The following SHLD1 variants were observed in gnomAD, a reference collection of about 807,000 sequenced individuals.
SHLD1 encodes RINN1-REV7-interacting novel NHEJ regulator 3.
In SHLD1, 3 loss-of-function variants were observed where a neutral mutation model predicts 5.5. The ratio of observed to expected loss-of-function variants is 0.54; its 90% confidence interval spans 0.25 to 1.40. The LOEUF (loss-of-function observed/expected upper bound fraction) is 1.40. SHLD1 is among the 40% of genes most tolerant of loss of function. The pLI is 0.15. For synonymous variants in SHLD1, 92 were observed against 94.3 expected, an observed-to-expected ratio of 0.98 and a Z score of 0.14; for missense variants, 210 against 244.4, an observed-to-expected ratio of 0.86 and a Z score of 0.94.
At position 5,784,672 on chromosome 20, in the gene SHLD1, G is replaced by C. The variant is rs1263734381; in HGVS notation, c.178+11629G>C. Among the ~76,000 whole-genome samples, 4 of 151,858 alleles carry C rather than the reference G, an allele frequency of 2.6e-5. No individual in the cohort carries two copies. The East Asian group carries it at 5.8e-4, about 22-fold the overall frequency. ...TCACCGTGTTAGCCAGGTTGGTCTC[G>C]ATCGCCTGACCTTGTGATCCGCCCG... On this transcript the variant is annotated intron_variant, in intron 2 of 2. Coordinates refer to ENST00000303142, the MANE Select transcript of SHLD1 (RefSeq NM_152504.4).
chr20:5,828,218 A>C (rs1464205932), intron 2 of SHLD1, among the ~76,000 whole-genome samples: 3 of 152,090 alleles, frequency 2.0e-5, no homozygotes, highest in Non-Finnish European at 2.9e-5. Context: ...TATCTGTATA[A>C]TTATTTATCC....
intron 2 of SHLD1, among the ~76,000 whole-genome samples, chr20:5,801,581 A>G (rs574113211): frequency 6.6e-6 from 1 of 152,266 alleles, no homozygotes; most frequent in Admixed American, 6.5e-5. Context: ...AAAATGTTTG[A>G]CATATGGCTT....
chr20:5,768,937 TCA>T (rs1358691644), intron 1 of SHLD1, among the ~76,000 whole-genome samples: 1 of 147,334 alleles, frequency 6.8e-6, no homozygotes, highest in African/African-American at 2.5e-5. Flanking sequence ...GACACAGGTC[TCA>T]CTCTCGTTTG....
At chr20:5,762,957 G>C (rs1481413409) in intron 1 of SHLD1, among the ~76,000 whole-genome samples, 4 of 124,600 alleles carry the variant, frequency 3.2e-5, no homozygotes, top group Non-Finnish European at 6.5e-5. Context: ...TGGTGACAGA[G>C]TGAGACTCCG....
rs904045617 is a variant in SHLD1, at chr20:5,773,172, A to T, written c.178+129A>T. 9.3e-5 allele frequency: 99 copies of T among 1,067,642 alleles called. 1 individual carries two copies. The East Asian group carries it at 2.4e-3, about 26-fold the overall frequency. 66.1% of individuals were successfully genotyped at this position (1,067,642 alleles called of 1,614,324 possible). On this transcript the variant is annotated intron_variant, in intron 2 of 2. Coordinates refer to ENST00000303142, the MANE Select transcript of SHLD1 (RefSeq NM_152504.4). ...GCTTCATTGTCTTAGGCAGAAAAAC[A>T]TCTTACCTAAGCAAAGCTTTCAGGA...
chr20:5,841,523 A>G (rs1429607771), intron 2 of SHLD1, among the ~76,000 whole-genome samples: 1 of 152,188 alleles, frequency 6.6e-6, no homozygotes, highest in Non-Finnish European at 1.5e-5. Flanking sequence ...TCTTCTTCAT[A>G]GCATCCTTCA....
chr20:5,780,247 G>A (rs1410111286), intron 2 of SHLD1, among the ~76,000 whole-genome samples: 2 of 152,116 alleles, frequency 1.3e-5, no homozygotes, highest in African/African-American at 2.4e-5. Flanking sequence ...CCAAAGTGCT[G>A]AATTACAGGT....
chr20:5,771,236 G>A (rs144014572), intron 1 of SHLD1, among the ~76,000 whole-genome samples: 2 of 152,094 alleles, frequency 1.3e-5, no homozygotes, highest in African/African-American at 4.8e-5. Context: ...AGGTTCTATT[G>A]GTCATCTTCT....
intron 2 of SHLD1, among the ~76,000 whole-genome samples, chr20:5,778,154 T>C (rs533070047): frequency 3.6e-4 from 54 of 148,192 alleles, no homozygotes; most frequent in African/African-American, 1.2e-3. Context: ...TCTCGTTCTG[T>C]CGCCCAGGCT....
chr20:5,835,702 A>G (rs773579211), intron 2 of SHLD1, among the ~76,000 whole-genome samples: 2 of 152,238 alleles, frequency 1.3e-5, no homozygotes, highest in Non-Finnish European at 2.9e-5. Flanking sequence ...CTCTGAAATT[A>G]CAGAAATTCA....
intron 1 of SHLD1, among the ~76,000 whole-genome samples, chr20:5,767,670 C>T (rs1022219952): frequency 3.9e-5 from 6 of 152,224 alleles, no homozygotes; most frequent in African/African-American, 1.2e-4. Flanking sequence ...GACCTGATAA[C>T]TGCTCTGCAT....
At chr20:5,805,227 G>A (rs999700036) in intron 2 of SHLD1, among the ~76,000 whole-genome samples, 27 of 152,058 alleles carry the variant, frequency 1.8e-4, no homozygotes, top group Non-Finnish European at 2.9e-5. Context: ...GCGCGATCTC[G>A]GCTTGCCACG....
At chr20:5,857,176 A>T (rs1256608299) in intron 2 of SHLD1, among the ~76,000 whole-genome samples, 2 of 152,142 alleles carry the variant, frequency 1.3e-5, no homozygotes, top group South Asian at 2.1e-4. Flanking sequence ...GGGTTTCGCC[A>T]TGTTGGCCAG....
rs1983672627 is a variant in SHLD1, at chr20:5,750,501, G to GGGGGT, written c.-5+26_-5+27insTGGGG. On this transcript the variant is annotated intron_variant, in intron 1 of 2. Transcript: ENST00000303142. ...AGAGGTAAGCGCGGGATGGGATGGGGGGGGGTTGGAGTGGTGGGGGCGGGG... is the reference window on the plus strand; with the variant it reads ...AGAGGTAAGCGCGGGATGGGATGGGGGGGGTGGGGGTTGGAGTGGTGGGGGCGGGG... 3.4e-5 allele frequency: 5 copies of GGGGGT among 145,238 alleles called. No individual in the cohort carries two copies. The South Asian group carries it at 1.1e-3, about 33-fold the overall frequency. 9.0% of individuals were successfully genotyped at this position (145,238 alleles called of 1,614,324 possible). A position where few individuals can be genotyped will look rare whatever the true frequency, so the allele number is the denominator to read the frequency against.
At chr20:5,807,758 T>C (rs567422865) in intron 2 of SHLD1, among the ~76,000 whole-genome samples, 1 of 152,186 alleles carries the variant, frequency 6.6e-6, no homozygotes, top group Non-Finnish European at 1.5e-5. Context: ...CCTCAGAATT[T>C]ATGCTCCCTA....
intron 1 of SHLD1, among the ~76,000 whole-genome samples, chr20:5,770,897 AG>A (rs1216833215): frequency 5.9e-5 from 9 of 152,210 alleles, no homozygotes; most frequent in African/African-American, 1.9e-4. Flanking sequence ...CAGGATGGTT[AG>A]GTACATTATC....
chr20:5,855,764 T>C lies in SHLD1; in HGVS notation c.179-7260T>C, dbSNP rs1277091222. Among the ~76,000 whole-genome samples the C allele has an allele frequency of 6.6e-6, 1 of 152,224 alleles. No individual in the cohort carries two copies. The highest frequency in any genetic ancestry group is 2.4e-5 in the African/African-American group (1 of 41,462). ...TGAATATGAGAAATGCAATTTGAAA[T>C]AGTGTGCCCAGGAAATGTATGGTAA... is the stretch of plus-strand genomic sequence containing the variant. On this transcript the variant is annotated intron_variant, in intron 2 of 2. Coordinates refer to ENST00000303142, the MANE Select transcript of SHLD1 (RefSeq NM_152504.4). This position sits in a 1 kb window ranked among gnomAD's most constrained non-coding sequence, Gnocchi z 4.4.
At chr20:5,858,567 C>T (rs550366385) in intron 2 of SHLD1, among the ~76,000 whole-genome samples, 2 of 152,204 alleles carry the variant, frequency 1.3e-5, no homozygotes, top group South Asian at 4.1e-4. Flanking sequence ...AGCGTGGTGG[C>T]TCATGCCTAT....
At chr20:5,798,298 CT>C (rs1182839451) in intron 2 of SHLD1, among the ~76,000 whole-genome samples, 2 of 114,526 alleles carry the variant, frequency 1.7e-5, no homozygotes, top group African/African-American at 6.3e-5. Flanking sequence ...AAAGTAGAAA[CT>C]CTCAGTTCTC....
Sources: allele counts gnomAD v4.1 joint callset (sites outside exome capture counted in the v4.1 genomes callset), GRCh38; gene constraint gnomAD v4.1.1; non-coding constraint Gnocchi (gnomAD v3.1); transcripts MANE v1.5; gene names NCBI Gene and HGNC (gene_info 2026-07-23, HGNC 2026-07-21).